GNG13: variants seen among roughly 807,000 people sequenced by gnomAD.
The protein encoded by GNG13 is G protein subunit gamma 13.
A neutral mutation model predicts 8.2 loss-of-function variants in GNG13; 12 were observed. The ratio of observed to expected loss-of-function variants is 1.47; its 90% CI spans 0.94 to 2.38. The LOEUF is 2.38. Ranked by LOEUF, GNG13 falls within the 30% of genes most tolerant of loss-of-function variation. GNG13 has a pLI of 0.00. For synonymous variants in GNG13, 45 were observed against 33.0 expected (o/e 1.37, Z -1.25); for missense variants, 100 against 85.2 (o/e 1.17, Z -0.68).
chr16:800,322 G>A (rs2042435471), intron 1 of GNG13, among the ~76,000 whole-genome samples: 1 of 152,178 alleles, frequency 6.6e-6, no homozygotes, highest in South Asian at 2.1e-4. Flanking sequence ...CAGGCCCGGG[G>A]TGTTGGCGCC....
intron 1 of GNG13, 99 bp from the exon 2 acceptor site, chr16:799,210 A>G (rs1002968228): frequency 6.1e-6 from 4 of 656,770 alleles, no homozygotes; most frequent in Admixed American, 4.4e-5. Context: ...CGCAGGATGA[A>G]GCGGGGAGAG....
intron 2 of GNG13, 49 bp downstream of exon 2, chr16:798,931 A>T (rs763345123): frequency 1.5e-6 from 2 of 1,369,742 alleles, no homozygotes; most frequent in Non-Finnish European, 1.0e-6. Context: ...ATGAGCAGCC[A>T]GCGCAGGGCA....
At chr16:799,744 T>C (rs2042431103) in intron 1 of GNG13, among the ~76,000 whole-genome samples, 2 of 152,038 alleles carry the variant, frequency 1.3e-5, no homozygotes, top group African/African-American at 4.8e-5. Flanking sequence ...GCTTTCTGCT[T>C]GTGGCCAGCC....
rs1342597429 is a variant in GNG13 at position 798,409 on chromosome 16, C to T, written c.*310G>A. On this transcript the variant is annotated 3_prime_UTR_variant, in exon 3 of 3. Coordinates refer to ENST00000248150, the MANE Select transcript of GNG13 (RefSeq NM_016541.3). ...TGGGAGTGGGGCTGGGAGTGGGGCTCACAGGATGGTGGGAGTGGGGCTGGA... is the reference window on the plus strand; with the variant it reads ...TGGGAGTGGGGCTGGGAGTGGGGCTTACAGGATGGTGGGAGTGGGGCTGGA... The T allele has an allele frequency of 3.7e-5, 17 of 465,044 alleles. No homozygotes were observed. The highest frequency in any genetic ancestry group is 6.0e-5 in the Non-Finnish European group (16 of 265,706). The allele number at this position is 465,044 out of a possible 1,614,324, so 28.8% of individuals were successfully genotyped here. A position where few individuals can be genotyped will look rare whatever the true frequency, so the allele number is the denominator to read the frequency against.
chr16:798,591 GTGGGAGTGGGGC>G lies in GNG13; in HGVS notation c.*116_*127del, dbSNP rs2042419186. On this transcript the variant is annotated 3_prime_UTR_variant, in exon 3 of 3. Transcript: ENST00000248150. ...GGGCCGGGCATGGGCTCACAGGATG[GTGGGAGTGGGGC>G]TGGGAGTGGGACTCACAGGATGGAG... is the stretch of plus-strand genomic sequence containing the variant. 1.3e-6 allele frequency: 1 copy of G among 769,230 alleles called. No individual in the cohort carries two copies. The highest frequency in any genetic ancestry group is 1.4e-5 in the South Asian group (1 of 73,250). 47.7% of individuals were successfully genotyped at this position (769,230 alleles called of 1,614,324 possible).
intron 1 of GNG13, among the ~76,000 whole-genome samples, chr16:800,248 G>C (rs1020649236): frequency 2.6e-5 from 4 of 152,160 alleles, no homozygotes; most frequent in African/African-American, 9.7e-5. Context: ...CCCGGTGCAG[G>C]CCTTTTCTCG....
chr16:799,016 G>T lies in GNG13; in HGVS notation c.62C>A (p.Ala21Asp). 1 of 1,610,564 alleles carries T rather than the reference G, an allele frequency of 6.2e-7. No individual in the cohort carries two copies. The highest frequency in any genetic ancestry group is 8.5e-7 in the Non-Finnish European group (1 of 1,177,070). Residue 21 changes from alanine (A) to aspartate (D), a missense_variant, in exon 2 of 3, where the codon GCC (alanine) becomes GAC (aspartate). Coordinates refer to ENST00000248150, the MANE Select transcript of GNG13 (RefSeq NM_016541.3). The part of the protein sequence containing the change: ...KEVESLKYQL[A>D]FQREMASKTI... ...CTTGGACGCCATCTCCCGCTGGAAG[G>T]CCAGCTGGTACTTGAGGCTCTCCAC...
rs376340351 is a variant in GNG13 at position 798,271 on chromosome 16, C to A, written c.*448G>T. On this transcript the variant is annotated 3_prime_UTR_variant, in exon 3 of 3. Coordinates refer to ENST00000248150, the MANE Select transcript of GNG13 (RefSeq NM_016541.3). ...GTGAATGGGGCCGGGCACAGTCTTA[C>A]AAGATGTTGTGAGTGGGGCCGGGAG... The A allele has an allele frequency of 3.3e-5, 17 of 522,984 alleles. No individual in the cohort carries two copies. The East Asian group carries it at 5.2e-4, about 16-fold the overall frequency. 32.4% of individuals were successfully genotyped at this position (522,984 alleles called of 1,614,324 possible).
rs2042418566 is a variant in GNG13, at chr16:798,553, G to A, written c.*166C>T. ...GTGGGGCCGGGAGTGGGGCTCACAG[G>A]TTGGTGTGAGTGGGGCCGGGCATGG... On this transcript the variant is annotated 3_prime_UTR_variant, in exon 3 of 3. Coordinates refer to ENST00000248150, the MANE Select transcript of GNG13 (RefSeq NM_016541.3). 1 of 718,844 alleles carries A rather than the reference G, an allele frequency of 1.4e-6. No homozygotes were observed. Among genetic ancestry groups the A allele is most frequent in the Non-Finnish European group, 2.5e-6 (1 of 394,444 alleles). The allele number at this position is 718,844 out of a possible 1,614,324, so 44.5% of individuals were successfully genotyped here. A position where few individuals can be genotyped will look rare whatever the true frequency, so the allele number is the denominator to read the frequency against.
Position 798,367 on chromosome 16 carries a change from TG to T in GNG13, c.*351del, listed in dbSNP as rs879070428. On this transcript the variant is annotated 3_prime_UTR_variant, in exon 3 of 3. Transcript: ENST00000248150. ...AGGATGGAGTGAGTGGGGCCGGGAGTGGGGCTCACAGGATGGTGGGAGTGGG... is the reference window on the plus strand; with the variant it reads ...AGGATGGAGTGAGTGGGGCCGGGAGTGGGCTCACAGGATGGTGGGAGTGGG... 27 of 270,842 alleles carry T rather than the reference TG, an allele frequency of 1.0e-4. No homozygotes were observed. Among genetic ancestry groups the T allele is most frequent in the East Asian group, 1.5e-4 (2 of 13,516 alleles). The allele number at this position is 270,842 out of a possible 1,614,324, so 16.8% of individuals were successfully genotyped here.
Position 798,966 on chromosome 16 carries a change from G to T in GNG13, c.98+14C>A. The T allele has an allele frequency of 1.3e-6, 2 of 1,528,704 alleles. No homozygotes were observed. The highest frequency in any genetic ancestry group is 1.8e-6 in the Non-Finnish European group (2 of 1,102,480). 94.7% of individuals were successfully genotyped at this position (1,528,704 alleles called of 1,614,324 possible). A position where few individuals can be genotyped will look rare whatever the true frequency, so the allele number is the denominator to read the frequency against. On this transcript the variant is annotated intron_variant, in intron 2 of 2. Coordinates refer to ENST00000248150, the MANE Select transcript of GNG13 (RefSeq NM_016541.3). ...AGACAAATGAGAGGCAAATCAGGCA[G>T]GTGGGGCACTCACTCGGGGATGGTC...
intron 2 of GNG13, 40 bp from the exon 3 acceptor site, chr16:798,864 C>G: frequency 7.0e-7 from 1 of 1,420,776 alleles, no homozygotes; most frequent in Non-Finnish European, 9.9e-7. Flanking sequence ...TGGCACCTGA[C>G]CCCCGAGGGC....
intron 1 of GNG13, 49 bp downstream of exon 1, chr16:800,617 G>A (rs1596782410): frequency 6.6e-6 from 1 of 152,260 alleles, no homozygotes; most frequent in African/African-American, 2.4e-5. Flanking sequence ...TGAGAGTCGA[G>A]GGGCCTCCGG....
intron 1 of GNG13, among the ~76,000 whole-genome samples, chr16:799,372 C>T (rs965066324): frequency 3.3e-5 from 5 of 152,214 alleles, no homozygotes; most frequent in African/African-American, 9.7e-5. Flanking sequence ...TAGGCCCCCA[C>T]ACCTTACGAA....
rs139327620 is a variant in GNG13 at position 800,458 on chromosome 16, G to A, written c.-35+208C>T. On this transcript the variant is annotated intron_variant, in intron 1 of 2. Transcript: ENST00000248150. ...GGACTCGGTGGGCACTGCAGGCGGCGCACGGCGCTCAGATGGACACAGCTC... is the reference window on the plus strand; with the variant it reads ...GGACTCGGTGGGCACTGCAGGCGGCACACGGCGCTCAGATGGACACAGCTC... Among the ~76,000 whole-genome samples the A allele has an allele frequency of 9.5e-3, 1,447 of 152,282 alleles. 81 individuals carry two copies. In the South Asian group the frequency reaches 0.15, roughly 16 times the overall value.
intron 2 of GNG13, 33 bp from the exon 3 acceptor site, chr16:798,857 C>G: frequency 6.8e-7 from 1 of 1,477,314 alleles, no homozygotes; most frequent in Non-Finnish European, 9.4e-7. Context: ...TGAGTGGTGG[C>G]ACCTGACCCC....
In GNG13 at chr16:798,290, C is replaced by G. The variant is rs2151653150; in HGVS notation, c.*429G>C. The G allele has an allele frequency of 2.1e-6, 1 of 487,536 alleles. No individual in the cohort carries two copies. The highest frequency in any genetic ancestry group is 3.8e-5 in the East Asian group (1 of 26,248). The allele number at this position is 487,536 out of a possible 1,614,324, so 30.2% of individuals were successfully genotyped here. A position where few individuals can be genotyped will look rare whatever the true frequency, so the allele number is the denominator to read the frequency against. On this transcript the variant is annotated 3_prime_UTR_variant, in exon 3 of 3. Transcript: ENST00000248150. ...GTCTTACAAGATGTTGTGAGTGGGGCCGGGAGTGGGGCTCACAGGTTGGTG... is the reference window on the plus strand; with the variant it reads ...GTCTTACAAGATGTTGTGAGTGGGGGCGGGAGTGGGGCTCACAGGTTGGTG...
In GNG13 at chr16:798,216, G is replaced by T; in HGVS notation, c.*503C>A. On this transcript the variant is annotated 3_prime_UTR_variant, in exon 3 of 3. Coordinates refer to ENST00000248150, the MANE Select transcript of GNG13 (RefSeq NM_016541.3). ...GGCGTGGTCTCACAGGATAGAGTGA[G>T]TGGGGCCGGGCGTGGTCTCACAGGA... 1.6e-6 allele frequency: 1 copy of T among 632,228 alleles called. No individual in the cohort carries two copies. Among genetic ancestry groups the T allele is most frequent in the African/African-American group, 1.9e-5 (1 of 53,364 alleles). 39.2% of individuals were successfully genotyped at this position (632,228 alleles called of 1,614,324 possible). A position where few individuals can be genotyped will look rare whatever the true frequency, so the allele number is the denominator to read the frequency against.
chr16:800,617 G>C (rs1596782410), intron 1 of GNG13, 49 bp downstream of exon 1: 1 of 152,260 alleles, frequency 6.6e-6, no homozygotes, highest in Non-Finnish European at 1.5e-5. Context: ...TGAGAGTCGA[G>C]GGGCCTCCGG....
Sources: gnomAD v4.1 joint callset for allele counts (sites outside exome capture counted in the v4.1 genomes callset) on GRCh38, gnomAD v4.1.1 for gene constraint, MANE v1.5 for transcripts, NCBI Gene and HGNC (gene_info 2026-07-23, HGNC 2026-07-21) for gene names.